The following AGMO variants were observed in gnomAD, a reference collection of about 807,000 sequenced individuals.
AGMO encodes glyceryl-ether monooxygenase.
A neutral mutation model predicts 60.2 loss-of-function variants in AGMO; 75 were observed. That is an observed-to-expected ratio of 1.25 (90% CI 1.03 to 1.51). The LOEUF is 1.51. Among genes scored for constraint, AGMO ranks in the 40% most tolerant of loss-of-function variants. The pLI is 0.00. For synonymous variants in AGMO, 261 were observed against 177.1 expected, an observed-to-expected ratio of 1.47 and a Z score of -3.76; for missense variants, 763 against 525.5, an observed-to-expected ratio of 1.45 and a Z score of -4.42.
chr7:15,202,774 G>T (rs541524813), intron 12 of AGMO, among the ~76,000 whole-genome samples: 23 of 152,180 alleles, frequency 1.5e-4, no homozygotes, highest in African/African-American at 5.1e-4. Context: ...TGTTTCTTTT[G>T]ACTGTAATTC....
At chr7:15,328,864 A>G (rs1277870824) in intron 12 of AGMO, among the ~76,000 whole-genome samples, 1 of 151,950 alleles carries the variant, frequency 6.6e-6, no homozygotes, top group African/African-American at 2.4e-5. Flanking sequence ...ATCCCTTTCC[A>G]ACCACAATGA....
rs369964253 is a variant in AGMO at position 15,366,119 on chromosome 7, T to C, written c.1157+21A>G. The C allele has an allele frequency of 1.1e-5, 18 of 1,571,460 alleles. No individual in the cohort carries two copies. In the Admixed American group the frequency reaches 1.2e-4, roughly 11 times the overall value. On this transcript the variant is annotated intron_variant, in intron 11 of 12. Coordinates refer to ENST00000342526, the MANE Select transcript of AGMO (RefSeq NM_001004320.2). Reference sequence around the variant, plus strand: ...TTGAATTGAGTAAAAGTAAAAACAATGCAAGAATTTCACTTCTTGCCTTTG... The same window carrying C: ...TTGAATTGAGTAAAAGTAAAAACAACGCAAGAATTTCACTTCTTGCCTTTG...
At chr7:15,295,929 G>A (rs995945857) in intron 12 of AGMO, among the ~76,000 whole-genome samples, 13 of 152,030 alleles carry the variant, frequency 8.6e-5, no homozygotes, top group South Asian at 2.1e-4. Flanking sequence ...CATATTTTCC[G>A]TGGTCATTAA....
chr7:15,285,546 A>T (rs1441634949), intron 12 of AGMO, among the ~76,000 whole-genome samples: 9 of 151,980 alleles, frequency 5.9e-5, no homozygotes, highest in Non-Finnish European at 8.8e-5. Flanking sequence ...AGGAGAGCTA[A>T]AAGAAACTGC....
chr7:15,459,827 T>C (rs558998204), intron 3 of AGMO, among the ~76,000 whole-genome samples: 1 of 152,214 alleles, frequency 6.6e-6, no homozygotes, highest in South Asian at 2.1e-4. Flanking sequence ...AAACTAAAAA[T>C]TATTGTTTAA....
intron 12 of AGMO, among the ~76,000 whole-genome samples, chr7:15,264,941 AAAGGAGAATAATTCATTCTATC>A (rs1783388323): frequency 6.6e-6 from 1 of 152,136 alleles, no homozygotes; most frequent in African/African-American, 2.4e-5. Flanking sequence ...ATATATACTC[AAAGGAGAATAATTCATTCTATC>A]AAGAAGACAC....
At chr7:15,526,269 T>G (rs1485167766) in intron 3 of AGMO, among the ~76,000 whole-genome samples, 1 of 152,156 alleles carries the variant, frequency 6.6e-6, no homozygotes, top group East Asian at 1.9e-4. Context: ...AAATAATAAA[T>G]AAGACTTAAG....
chr7:15,553,059 A>C (rs1487950216), intron 2 of AGMO, among the ~76,000 whole-genome samples: 1 of 151,078 alleles, frequency 6.6e-6, no homozygotes, highest in Non-Finnish European at 1.5e-5. Context: ...TTCTCAGTAA[A>C]CTATCGCAAG....
At chr7:15,396,552 CG>C (rs1210603304) in intron 5 of AGMO, 1 of 152,176 alleles carries the variant, frequency 6.6e-6, no homozygotes, top group East Asian at 1.9e-4. Context: ...GCTACCACAA[CG>C]AGGAAAAGGA....
intron 3 of AGMO, among the ~76,000 whole-genome samples, chr7:15,450,928 T>C (rs767519820): frequency 1.1e-4 from 16 of 152,106 alleles, no homozygotes; most frequent in Non-Finnish European, 1.6e-4. Flanking sequence ...AAAAATGAAA[T>C]TAGAACTAAA....
At chr7:15,474,184 G>T (rs551419774) in intron 3 of AGMO, among the ~76,000 whole-genome samples, 1 of 152,086 alleles carries the variant, frequency 6.6e-6, no homozygotes, top group Non-Finnish European at 1.5e-5. Flanking sequence ...TTTCTTCACA[G>T]AATTAGAGAA....
intron 3 of AGMO, among the ~76,000 whole-genome samples, chr7:15,455,852 A>G (rs1436397211): frequency 1.3e-5 from 2 of 152,056 alleles, no homozygotes; most frequent in Non-Finnish European, 2.9e-5. Flanking sequence ...TCTATTCCCA[A>G]TATTCTAAAA....
At chr7:15,323,427 A>G (rs754983520) in intron 12 of AGMO, among the ~76,000 whole-genome samples, 1 of 152,182 alleles carries the variant, frequency 6.6e-6, no homozygotes, top group Non-Finnish European at 1.5e-5. Context: ...CAAGGGGGAT[A>G]AAAGATAAAG....
chr7:15,349,129 C>T (rs566296803), intron 12 of AGMO, among the ~76,000 whole-genome samples: 1 of 152,196 alleles, frequency 6.6e-6, no homozygotes, highest in South Asian at 2.1e-4. Context: ...GGACAATAAT[C>T]ATCTTGCTAA....
the AGMO span, among the ~76,000 whole-genome samples, chr7:15,194,923 G>A: frequency 5.3e-5 from 8 of 152,298 alleles, no homozygotes; most frequent in East Asian, 1.5e-3. Flanking sequence ...TAAAATGCAT[G>A]CTGTGTACTG....
chr7:15,365,913 G>C (rs1002728724), intron 11 of AGMO, among the ~76,000 whole-genome samples: 1 of 151,940 alleles, frequency 6.6e-6, no homozygotes, highest in Non-Finnish European at 1.5e-5. Flanking sequence ...AAGTAAGTGA[G>C]ACTCTTTTCA....
At chr7:15,239,631 C>A (rs1782531212) in intron 12 of AGMO, among the ~76,000 whole-genome samples, 1 of 152,104 alleles carries the variant, frequency 6.6e-6, no homozygotes, top group Non-Finnish European at 1.5e-5. Flanking sequence ...CCAAGGTTGA[C>A]ATTTCAGTAT....
At chr7:15,347,481 G>A (rs1329036797) in intron 12 of AGMO, among the ~76,000 whole-genome samples, 1 of 151,986 alleles carries the variant, frequency 6.6e-6, no homozygotes, top group South Asian at 2.1e-4. Flanking sequence ...GAAAGCCACA[G>A]GGATTTATGA....
At chr7:15,304,925 A>G (rs1025169989) in intron 12 of AGMO, among the ~76,000 whole-genome samples, 1 of 152,066 alleles carries the variant, frequency 6.6e-6, no homozygotes, top group African/African-American at 2.4e-5. Context: ...CTTGGAGAGC[A>G]CACTGGATAA....
Sources: gnomAD v4.1 joint callset for allele counts (sites outside exome capture counted in the v4.1 genomes callset) on GRCh38, gnomAD v4.1.1 for gene constraint, MANE v1.5 for transcripts, NCBI Gene and HGNC (gene_info 2026-07-23, HGNC 2026-07-21) for gene names.